The following PDE11A variants were observed in gnomAD, a reference collection of about 807,000 sequenced individuals.
PDE11A encodes the protein dual 3',5'-cyclic-AMP and -GMP phosphodiesterase 11A.
Under a neutral mutation model 100.5 loss-of-function variants are expected in PDE11A, and 100 were observed. The observed-to-expected ratio is 1.00, with a 90% CI of 0.85 to 1.18. PDE11A has a LOEUF of 1.18. PDE11A is among the 50% of genes most tolerant of loss of function. PDE11A has a pLI of 0.00. For missense variants in PDE11A, 1,141 were observed against 1,152.6 expected (o/e 0.99, Z 0.15); for synonymous variants, 381 against 420.8 (o/e 0.91, Z 1.16).
chr2:177,905,123 G>A lies in PDE11A; in HGVS notation c.1136C>T (p.Ser379Leu). The A allele has an allele frequency of 1.9e-6, 3 of 1,601,480 alleles. No homozygotes were observed. Among genetic ancestry groups the A allele is most frequent in the Non-Finnish European group, 2.6e-6 (3 of 1,168,626 alleles). Residue 379 changes from serine (S) to leucine (L), a missense_variant, in exon 3 of 20, where the codon TCA becomes TTA. Coordinates refer to ENST00000286063, the MANE Select transcript of PDE11A (RefSeq NM_016953.4). Reference sequence around the variant, plus strand: ...TCTGCTTCTTTCATATTCTTTCCTTGAGGCAGCAAAGAGCTGAGCGTTAGA... The same window carrying A: ...TCTGCTTCTTTCATATTCTTTCCTTAAGGCAGCAAAGAGCTGAGCGTTAGA... Reference protein sequence around the residue: ...AISNAQLFAASRKEYERSRAL... With the variant: ...AISNAQLFAALRKEYERSRAL...
rs1164509114 is a variant in PDE11A at position 178,001,304 on chromosome 2, G to GTC, written c.1071+12997_1071+12998insGA. On this transcript the variant is annotated intron_variant, in intron 2 of 19. Transcript: ENST00000286063. ...TGTGTGTGTGTGTGTGTGTGTGTGT[G>GTC]TGTGTGTAGTAGGTTTAATATGCCA... is the stretch of plus-strand genomic sequence containing the variant. 3.2e-3 allele frequency among the ~76,000 whole-genome samples: 482 copies of GTC among 151,712 alleles called. 4 individuals are homozygous for GTC. Among genetic ancestry groups the GTC allele is most frequent in the Non-Finnish European group, 4.8e-3 (328 of 67,868 alleles).
intron 16 of PDE11A, chr2:177,675,842 G>C: frequency 2.4e-6 from 1 of 422,396 alleles, no homozygotes; most frequent in African/African-American, 2.0e-5. Context: ...AATGGACAAT[G>C]TTGTTGGGTT....
chr2:177,869,676 AGTG>A (rs765472908), intron 5 of PDE11A, among the ~76,000 whole-genome samples: 1 of 152,202 alleles, frequency 6.6e-6, no homozygotes, highest in Non-Finnish European at 1.5e-5. Context: ...ATATATGACA[AGTG>A]GTGAGGATCT....
chr2:177,680,124 T>C (rs2080839513), intron 16 of PDE11A, among the ~76,000 whole-genome samples: 2 of 151,858 alleles, frequency 1.3e-5, no homozygotes, highest in Admixed American at 1.3e-4. Context: ...AGTTGCCTGG[T>C]TGTGGAGCAG....
chr2:177,639,390 G>A (rs1157785175), intron 19 of PDE11A, among the ~76,000 whole-genome samples: 2 of 152,136 alleles, frequency 1.3e-5, no homozygotes, highest in East Asian at 1.9e-4. Flanking sequence ...GAGAGACAGT[G>A]GAAACAAGGC....
intron 2 of PDE11A, among the ~76,000 whole-genome samples, chr2:178,004,592 A>C (rs1409567587): frequency 6.6e-6 from 1 of 152,214 alleles, no homozygotes; most frequent in Non-Finnish European, 1.5e-5. Context: ...CTACAGTTGC[A>C]AATTGTTCTC....
Position 177,697,217 on chromosome 2 carries a change from C to G in PDE11A, c.2345+115G>C, listed in dbSNP as rs2081125567. ...AGAAACAACAACAAAAAAAGTTTAGCTGGTTTACACATTGATATCAATGCT... is the reference window on the plus strand; with the variant it reads ...AGAAACAACAACAAAAAAAGTTTAGGTGGTTTACACATTGATATCAATGCT... On this transcript the variant is annotated intron_variant, in intron 15 of 19. Coordinates refer to ENST00000286063, the MANE Select transcript of PDE11A (RefSeq NM_016953.4). 6 of 706,550 alleles carry G rather than the reference C, an allele frequency of 8.5e-6. No individual in the cohort carries two copies. The Admixed American group carries it at 1.2e-4, about 14-fold the overall frequency. The allele number at this position is 706,550 out of a possible 1,614,324, so 43.8% of individuals were successfully genotyped here. A position where few individuals can be genotyped will look rare whatever the true frequency, so the allele number is the denominator to read the frequency against.
intron 1 of PDE11A, among the ~76,000 whole-genome samples, chr2:178,034,846 A>AAC (rs879778249): frequency 0.5 from 76,135 of 151,668 alleles, 19,840 homozygotes; most frequent in East Asian, 0.71. Context: ...GACACAACAT[A>AAC]CCAGAATCTC....
intron 5 of PDE11A, among the ~76,000 whole-genome samples, chr2:177,867,415 G>A (rs1440151088): frequency 1.3e-5 from 2 of 152,230 alleles, no homozygotes; most frequent in East Asian, 3.9e-4. Context: ...ATGTAACCCA[G>A]GTACATCTCA....
intron 2 of PDE11A, among the ~76,000 whole-genome samples, chr2:177,942,410 T>TA (rs771972065): frequency 3.8e-4 from 57 of 151,934 alleles, no homozygotes; most frequent in South Asian, 1.0e-3. Context: ...AAAATTATTT[T>TA]TTTTTTTTTG....
intron 10 of PDE11A, among the ~76,000 whole-genome samples, chr2:177,735,888 C>T (rs3770034): frequency 0.69 from 104,530 of 152,108 alleles, 38,238 homozygotes; most frequent in East Asian, 0.86. Context: ...TTCTCTATGG[C>T]CAAACCTCCC....
At chr2:177,760,211 A>G (rs16865769) in intron 10 of PDE11A, among the ~76,000 whole-genome samples, 6,254 of 152,266 alleles carry the variant, frequency 0.041, 172 homozygotes, top group Middle Eastern at 0.13. Flanking sequence ...GTGAGCCTCA[A>G]GTGAGATAAT....
intron 2 of PDE11A, among the ~76,000 whole-genome samples, chr2:178,084,704 A>G (rs2087327146): frequency 6.6e-6 from 1 of 152,224 alleles, no homozygotes; most frequent in African/African-American, 2.4e-5. Flanking sequence ...GTATGAAGTG[A>G]AAATACAAGC....
At chr2:177,811,756 T>A (rs1050540681) in intron 9 of PDE11A, among the ~76,000 whole-genome samples, 3 of 152,072 alleles carry the variant, frequency 2.0e-5, no homozygotes, top group Non-Finnish European at 4.4e-5. Context: ...TGCCCTAGAC[T>A]TTTCTGCAGA....
chr2:177,908,774 G>T (rs962175844), intron 2 of PDE11A, among the ~76,000 whole-genome samples: 2 of 152,206 alleles, frequency 1.3e-5, no homozygotes, highest in African/African-American at 2.4e-5. Context: ...GTCCCCGGAA[G>T]CCTAGGAACA....
intron 12 of PDE11A, among the ~76,000 whole-genome samples, chr2:177,727,257 CCTGCGGG>C (rs2081613598): frequency 6.6e-6 from 1 of 152,110 alleles, no homozygotes. Context: ...TTTCCATATT[CCTGCGGG>C]TGATGTTCAC....
At position 177,669,615 on chromosome 2, in the gene PDE11A, G is replaced by A. The variant is rs193116008; in HGVS notation, c.2488-48C>T. 8.2e-6 allele frequency: 7 copies of A among 857,534 alleles called. No homozygotes were observed. In the Admixed American group the frequency reaches 8.5e-5, roughly 10 times the overall value. 53.1% of individuals were successfully genotyped at this position (857,534 alleles called of 1,614,324 possible). ...TCTGTGATTATGTGTAGTTTATCAC[G>A]AGACTCAGAAGTTCTTTCTTGCTTA... On this transcript the variant is annotated intron_variant, in intron 17 of 19. Coordinates refer to ENST00000286063, the MANE Select transcript of PDE11A (RefSeq NM_016953.4).
intron 2 of PDE11A, among the ~76,000 whole-genome samples, chr2:177,962,334 C>T (rs1467382143): frequency 6.6e-6 from 1 of 151,918 alleles, no homozygotes; most frequent in Non-Finnish European, 1.5e-5. Context: ...AAATAAATGT[C>T]CACAAATGTA....
At chr2:177,908,695 C>A (rs781776463) in intron 2 of PDE11A, among the ~76,000 whole-genome samples, 2 of 152,126 alleles carry the variant, frequency 1.3e-5, no homozygotes, top group Non-Finnish European at 2.9e-5. Context: ...AATCAGGGAC[C>A]AGGAACCAGG....
Sources: gnomAD v4.1 joint callset for allele counts (sites outside exome capture counted in the v4.1 genomes callset) on GRCh38, gnomAD v4.1.1 for gene constraint, MANE v1.5 for transcripts, NCBI Gene and HGNC (gene_info 2026-07-23, HGNC 2026-07-21) for gene names.